The following NRXN3 variants were observed in gnomAD, a reference collection of about 807,000 sequenced individuals.
The protein encoded by NRXN3 is neurexin 3.
NRXN3 carries 32 observed loss-of-function variants against 137.6 expected under a neutral mutation model. That is an observed-to-expected ratio of 0.23 (90% CI 0.18 to 0.31). The LOEUF (loss-of-function observed/expected upper bound fraction) is 0.31. NRXN3 is among the 10% of genes least tolerant of loss of function. The probability of loss-of-function intolerance (pLI) is 1.00; values close to 1 mark genes in which losing one functional copy is unlikely to be tolerated. For missense variants in NRXN3, 1,574 were observed against 2,062.5 expected, an observed-to-expected ratio of 0.76 and a Z score of 4.59; for synonymous variants, 798 against 784.5, an observed-to-expected ratio of 1.02 and a Z score of -0.29.
chr14:78,887,759 G>T (rs1251171232), intron 10 of NRXN3, among the ~76,000 whole-genome samples: 1 of 152,116 alleles, frequency 6.6e-6, no homozygotes, highest in Non-Finnish European at 1.5e-5. Context: ...ACAAAAAGAA[G>T]GGGAGGATTT....
At chr14:79,165,796 T>G (rs1388324782) in intron 15 of NRXN3, among the ~76,000 whole-genome samples, 1 of 151,978 alleles carries the variant, frequency 6.6e-6, no homozygotes, top group Non-Finnish European at 1.5e-5. Flanking sequence ...AACCATGTAC[T>G]CCTTTCTCCC....
intron 15 of NRXN3, among the ~76,000 whole-genome samples, chr14:79,297,530 A>G (rs1005538773): frequency 6.6e-6 from 1 of 152,176 alleles, no homozygotes; most frequent in Non-Finnish European, 1.5e-5. Context: ...CTGGGGTTGT[A>G]ACAAACAGGT....
chr14:79,593,446 C>T (rs969437313), intron 16 of NRXN3, among the ~76,000 whole-genome samples: 23 of 151,836 alleles, frequency 1.5e-4, no homozygotes, highest in African/African-American at 5.6e-4. Context: ...CTGGCTAACA[C>T]GGTGAAGCCC....
chr14:79,663,732 C>T lies in NRXN3; in HGVS notation c.3445-46C>T, dbSNP rs756165344. The T allele has an allele frequency of 4.5e-6, 7 of 1,568,282 alleles. No individual in the cohort carries two copies. In the South Asian group the frequency reaches 5.8e-5, roughly 13 times the overall value. The stretch of plus-strand genomic sequence containing the variant: ...GAGGATCAAGTTTAAAGGGAGAGAA[C>T]TTCGTGGTTGGTGATAACTATGCCT... On this transcript the variant is annotated intron_variant, in intron 16 of 20. Coordinates refer to ENST00000335750, the MANE Select transcript of NRXN3 (RefSeq NM_001330195.2).
rs990347941 is a variant in NRXN3 at position 79,693,378 on chromosome 14, G to T, written c.3706+1116G>T. On this transcript the variant is annotated intron_variant, in intron 18 of 20. Coordinates refer to ENST00000335750, the MANE Select transcript of NRXN3 (RefSeq NM_001330195.2). ...ACCTTTAAACGTGGAAAATCCTCAC[G>T]GAGTGTTAACTGTTTGCCCTGTTTT... 4.6e-5 allele frequency among the ~76,000 whole-genome samples: 7 copies of T among 151,888 alleles called. No homozygotes were observed. The East Asian group carries it at 1.4e-3, about 29-fold the overall frequency.
intron 15 of NRXN3, among the ~76,000 whole-genome samples, chr14:79,218,928 G>C (rs912660588): frequency 6.6e-6 from 1 of 151,930 alleles, no homozygotes; most frequent in Non-Finnish European, 1.5e-5. Flanking sequence ...AGGGGTAAGA[G>C]TGAAGGGGGA....
intron 19 of NRXN3, among the ~76,000 whole-genome samples, chr14:79,719,097 T>A (rs1029388700): frequency 7.2e-5 from 11 of 152,168 alleles, no homozygotes; most frequent in African/African-American, 2.7e-4. Flanking sequence ...CTTATCCACA[T>A]CAGTCCTTAC....
intron 15 of NRXN3, among the ~76,000 whole-genome samples, chr14:79,189,540 A>T (rs554074797): frequency 6.0e-5 from 8 of 134,068 alleles, no homozygotes; most frequent in East Asian, 3.5e-4. Flanking sequence ...AGTATAATTT[A>T]AAAAAAAAAA....
At chr14:79,189,304 A>G (rs4283151) in intron 15 of NRXN3, among the ~76,000 whole-genome samples, 149,500 of 151,112 alleles carry the variant, frequency 0.99, 73,977 homozygotes, top group Non-Finnish European at 1. Context: ...ACCAAACACC[A>G]TGTATTCTCA....
intron 4 of NRXN3, among the ~76,000 whole-genome samples, chr14:78,591,278 T>A (rs2097113872): frequency 6.6e-6 from 1 of 152,178 alleles, no homozygotes; most frequent in Non-Finnish European, 1.5e-5. Flanking sequence ...CTCCTTCAAC[T>A]TTAGTGTGTT....
chr14:78,472,260 A>G (rs990613285), intron 4 of NRXN3, among the ~76,000 whole-genome samples: 1 of 152,080 alleles, frequency 6.6e-6, no homozygotes, highest in Non-Finnish European at 1.5e-5. Flanking sequence ...GGCTGGAGGG[A>G]AAATGTGATA....
chr14:79,793,295 G>A (rs555445505), intron 19 of NRXN3, among the ~76,000 whole-genome samples: 1 of 152,024 alleles, frequency 6.6e-6, no homozygotes, highest in Non-Finnish European at 1.5e-5. Flanking sequence ...TCAGCCGGGC[G>A]CCCCAGCTAT....
At chr14:78,415,975 T>C (rs999216070) in intron 4 of NRXN3, among the ~76,000 whole-genome samples, 3 of 152,172 alleles carry the variant, frequency 2.0e-5, no homozygotes, top group Non-Finnish European at 4.4e-5. Flanking sequence ...TACTCTGTTA[T>C]AGCAGCCTGA....
At chr14:78,751,895 A>G (rs1467723544) in intron 8 of NRXN3, among the ~76,000 whole-genome samples, 1 of 152,184 alleles carries the variant, frequency 6.6e-6, no homozygotes, top group Non-Finnish European at 1.5e-5. Context: ...CAGGTGATTC[A>G]TGTACACGGC....
chr14:78,814,642 A>G (rs1375857644), intron 10 of NRXN3, among the ~76,000 whole-genome samples: 3 of 152,132 alleles, frequency 2.0e-5, no homozygotes, highest in African/African-American at 7.2e-5. Context: ...AAAAGCAAAA[A>G]GAACCAGGGC....
chr14:78,550,952 A>G (rs1293297489), intron 4 of NRXN3, among the ~76,000 whole-genome samples: 1 of 152,240 alleles, frequency 6.6e-6, no homozygotes, highest in East Asian at 1.9e-4. Flanking sequence ...GGTTGGGTTC[A>G]AACTCTGGAC....
chr14:78,602,662 G>A (rs961722642), intron 4 of NRXN3, among the ~76,000 whole-genome samples: 2 of 152,124 alleles, frequency 1.3e-5, no homozygotes, highest in African/African-American at 4.8e-5. Context: ...TTTTTCCAGG[G>A]GTTGAAGCCC....
intron 1 of NRXN3, among the ~76,000 whole-genome samples, chr14:78,230,190 A>G (rs2065196153): frequency 1.3e-5 from 2 of 151,634 alleles, no homozygotes; most frequent in African/African-American, 4.9e-5. Flanking sequence ...ACACCTGACT[A>G]ATTTTTGTAT....
At chr14:78,493,477 C>T (rs980864075) in intron 4 of NRXN3, among the ~76,000 whole-genome samples, 6 of 151,314 alleles carry the variant, frequency 4.0e-5, no homozygotes, top group Non-Finnish European at 7.4e-5. Flanking sequence ...AAGCCAAGAT[C>T]GCGCCTTTGC....
Sources: allele counts gnomAD v4.1 joint callset (sites outside exome capture counted in the v4.1 genomes callset), GRCh38; gene constraint gnomAD v4.1.1; transcripts MANE v1.5; gene names NCBI Gene and HGNC (gene_info 2026-07-23, HGNC 2026-07-21).